Variants in POFUT2 observed in about 807,000 individuals in gnomAD.
POFUT2 encodes the protein protein O-fucosyltransferase 2, also known as GDP-fucose protein O-fucosyltransferase 2.
POFUT2 carries 30 observed loss-of-function variants against 55.0 expected under a neutral mutation model. That is an observed-to-expected ratio of 0.55 (90% CI 0.41 to 0.74). POFUT2 has a LOEUF of 0.74. Ranked by LOEUF, POFUT2 falls within the 30% of genes least tolerant of loss-of-function variation. The pLI is 0.00. For synonymous variants in POFUT2, 267 were observed against 231.1 expected (o/e 1.16, Z -1.41); for missense variants, 524 against 562.6 (o/e 0.93, Z 0.69).
At chr21:45,280,729 G>T (rs575437102) in intron 4 of POFUT2, among the ~76,000 whole-genome samples, 2 of 136,936 alleles carry the variant, frequency 1.5e-5, no homozygotes, top group Non-Finnish European at 3.2e-5. Context: ...TCTTGGACTC[G>T]CCTCACCCCA....
intron 4 of POFUT2, among the ~76,000 whole-genome samples, chr21:45,280,378 A>G (rs2030468100): frequency 6.6e-6 from 1 of 151,958 alleles, no homozygotes; most frequent in Non-Finnish European, 1.5e-5. Flanking sequence ...GATCTACCAC[A>G]CTCTATCCAG....
Position 45,281,354 on chromosome 21 carries a change from GACA to G in POFUT2, c.638+992_638+994del, listed in dbSNP as rs559530155. Among the ~76,000 whole-genome samples the G allele has an allele frequency of 2.5e-3, 388 of 152,276 alleles. 4 individuals are homozygous for G. The highest frequency in any genetic ancestry group is 8.5e-3 in the African/African-American group (353 of 41,564). On this transcript the variant is annotated intron_variant, in intron 4 of 8. Transcript: ENST00000349485. The surrounding 1 kb of genome is among the most constrained non-coding windows in gnomAD (Gnocchi z 5.0). ...TGTCATGAAATGAACCCAGTCCCAG[GACA>G]ACATTAAAGCTGCATCTCAACAACC...
At position 45,267,299 on chromosome 21, in the gene POFUT2, G is replaced by C; in HGVS notation, c.1136+291C>G. On this transcript the variant is annotated intron_variant, in intron 8 of 8. Coordinates refer to ENST00000349485, the MANE Select transcript of POFUT2 (RefSeq NM_133635.6). The surrounding 1 kb of genome is among the most constrained non-coding windows in gnomAD (Gnocchi z 4.4). ...GCAGACAGGGGCAGAAACCGGGAAT[G>C]ATGGGAAAATGCGACACAAGAAGAG... 1 of 1,460,826 alleles carries C rather than the reference G, an allele frequency of 6.8e-7. No homozygotes were observed. The highest frequency in any genetic ancestry group is 9.0e-7 in the Non-Finnish European group (1 of 1,112,970). The allele number at this position is 1,460,826 out of a possible 1,614,324, so 90.5% of individuals were successfully genotyped here.
chr21:45,277,248 A>G lies in POFUT2; in HGVS notation c.706-106T>C. On this transcript the variant is annotated intron_variant, in intron 5 of 8. Coordinates refer to ENST00000349485, the MANE Select transcript of POFUT2 (RefSeq NM_133635.6). This position sits in a 1 kb window ranked among gnomAD's most constrained non-coding sequence, Gnocchi z 6.9. Reference sequence around the variant, plus strand: ...CACCACCCACCCCCGCAGCTGGAACAAGCCCCTCAGACACGTCATCCACGG... The same window carrying G: ...CACCACCCACCCCCGCAGCTGGAACGAGCCCCTCAGACACGTCATCCACGG... The G allele has an allele frequency of 6.9e-7, 1 of 1,446,766 alleles. No individual in the cohort carries two copies. The highest frequency in any genetic ancestry group is 2.4e-5 in the East Asian group (1 of 42,184). The allele number at this position is 1,446,766 out of a possible 1,614,324, so 89.6% of individuals were successfully genotyped here.
At chr21:45,266,863 A>G in intron 8 of POFUT2, 1 of 1,004,396 alleles carries the variant, frequency 1.0e-6, no homozygotes, top group Non-Finnish European at 1.2e-6. Flanking sequence ...CTCTACTTTC[A>G]TTTTCCATTT....
intron 6 of POFUT2, 148 bp downstream of exon 6, chr21:45,276,869 A>T: frequency 2.4e-6 from 2 of 836,722 alleles, no homozygotes; most frequent in Non-Finnish European, 1.9e-6. Flanking sequence ...GCAGGTCATT[A>T]CTGTGACTCA....
At position 45,285,771 on chromosome 21, in the gene POFUT2, T is replaced by C. The variant is rs1391741444; in HGVS notation, c.289A>G (p.Ile97Val). Residue 97 changes from isoleucine (I) to valine (V), a missense_variant, in exon 2 of 9, where the codon ATC (isoleucine) becomes GTC (valine). Transcript: ENST00000349485. This position sits in a 1 kb window ranked among gnomAD's most constrained non-coding sequence, Gnocchi z 4.9. The part of the protein sequence containing the change: ...GRLYHWQSPD[I>V]HQVRIPWSEF... Reference sequence around the variant, plus strand: ...GACCAGGGAATCCGGACCTGGTGGATGTCAGGACTCTGCCAGTGATAGAGG... The same window carrying C: ...GACCAGGGAATCCGGACCTGGTGGACGTCAGGACTCTGCCAGTGATAGAGG... The C allele has an allele frequency of 1.2e-6, 2 of 1,613,550 alleles. No individual in the cohort carries two copies. The highest frequency in any genetic ancestry group is 2.2e-5 in the East Asian group (1 of 44,892).
intron 6 of POFUT2, among the ~76,000 whole-genome samples, chr21:45,273,268 G>A (rs564652507): frequency 6.8e-4 from 103 of 152,132 alleles, no homozygotes; most frequent in Non-Finnish European, 9.7e-4. Flanking sequence ...ACTTTTATGC[G>A]CACAAACTGG....
rs978917727 is a variant in POFUT2 at position 45,281,432 on chromosome 21, C to A, written c.638+917G>T. ...CACAACCTCTGAGTTCTGTCTGCAA[C>A]AGCCGGGCTGGCTGAGCAGCAGACA... On this transcript the variant is annotated intron_variant, in intron 4 of 8. Transcript: ENST00000349485. The surrounding 1 kb of genome is among the most constrained non-coding windows in gnomAD (Gnocchi z 5.0). 2.0e-5 allele frequency among the ~76,000 whole-genome samples: 3 copies of A among 152,214 alleles called. No individual in the cohort carries two copies. Among genetic ancestry groups the A allele is most frequent in the African/African-American group, 7.2e-5 (3 of 41,458 alleles).
Position 45,285,387 on chromosome 21 carries a change from G to A in POFUT2, c.382+291C>T, listed in dbSNP as rs190052706. 5 of 424,180 alleles carry A rather than the reference G, an allele frequency of 1.2e-5. No individual in the cohort carries two copies. The highest frequency in any genetic ancestry group is 6.8e-5 in the Admixed American group (2 of 29,414). 26.3% of individuals were successfully genotyped at this position (424,180 alleles called of 1,614,324 possible). A position where few individuals can be genotyped will look rare whatever the true frequency, so the allele number is the denominator to read the frequency against. ...GAGTCCTGTCACTATAACACCCAGGGGTGGCCGCTTTCTTAGGGTGTAAGG... is the reference window on the plus strand; with the variant it reads ...GAGTCCTGTCACTATAACACCCAGGAGTGGCCGCTTTCTTAGGGTGTAAGG... On this transcript the variant is annotated intron_variant, in intron 2 of 8. Coordinates refer to ENST00000349485, the MANE Select transcript of POFUT2 (RefSeq NM_133635.6). The surrounding 1 kb of genome is among the most constrained non-coding windows in gnomAD (Gnocchi z 4.9).
Position 45,265,520 on chromosome 21 carries a change from C to G in POFUT2, c.1252G>C (p.Ala418Pro). Residue 418 changes from alanine to proline, a missense_variant, in exon 9 of 9, where the codon GCG becomes CCG. Around this residue, in one of 2 missense-constraint regions of POFUT2, gnomAD observed 250 missense variants for 318.2 expected, o/e 0.79. Transcript: ENST00000349485. This position sits in a 1 kb window ranked among gnomAD's most constrained non-coding sequence, Gnocchi z 4.6. The part of the protein sequence containing the change: ...YNRFCGDQEK[A>P]CEQPTHWKIT... ...TTCCAGTGGGTGGGTTGCTCACACG[C>G]CTTCTCTTGGTCTCCGCAGAACCTG... is the stretch of plus-strand genomic sequence containing the variant. 1 of 1,614,022 alleles carries G rather than the reference C, an allele frequency of 6.2e-7. No homozygotes were observed. Among genetic ancestry groups the G allele is most frequent in the Non-Finnish European group, 8.5e-7 (1 of 1,179,940 alleles).
At chr21:45,287,692 C>G (rs575961694) in intron 1 of POFUT2, 49 bp downstream of exon 1, 2 of 1,379,520 alleles carry the variant, frequency 1.4e-6, no homozygotes, top group African/African-American at 3.1e-5. Context: ...ATCCTCTGAC[C>G]CTGCCCGGTC....
chr21:45,267,745 G>A lies in POFUT2; in HGVS notation c.1013-32C>T, dbSNP rs760672615. The A allele has an allele frequency of 1.6e-5, 26 of 1,596,838 alleles. No homozygotes were observed. Among genetic ancestry groups the A allele is most frequent in the Admixed American group, 6.7e-5 (4 of 59,664 alleles). ...AGTAGAAGGAGAGACCCTTTGAACC[G>A]GGATCCTCCAGTAAGGACAGATACG... On this transcript the variant is annotated intron_variant, in intron 7 of 8. Transcript: ENST00000349485. This position sits in a 1 kb window ranked among gnomAD's most constrained non-coding sequence, Gnocchi z 4.4.
chr21:45,266,150 A>G, intron 8 of POFUT2: 1 of 1,366,346 alleles, frequency 7.3e-7, no homozygotes, highest in Non-Finnish European at 9.8e-7. Flanking sequence ...GGGTTTCTCC[A>G]GACCTCAGGT....
intron 8 of POFUT2, chr21:45,266,253 ATG>A (rs1184417127): frequency 7.3e-7 from 1 of 1,367,410 alleles, no homozygotes; most frequent in Non-Finnish European, 9.8e-7. Flanking sequence ...AACCCCAGAG[ATG>A]TTTCCAGAGC....
At position 45,277,746 on chromosome 21, in the gene POFUT2, C is replaced by T. The variant is rs1487851256; in HGVS notation, c.705+357G>A. ...AATCAACGCCAACGGAAAAGACCCG[C>T]TGCAGAGAATAGTCCCACCTTTCAA... On this transcript the variant is annotated intron_variant, in intron 5 of 8. Transcript: ENST00000349485. The surrounding 1 kb of genome is among the most constrained non-coding windows in gnomAD (Gnocchi z 6.9). 1 of 288,508 alleles carries T rather than the reference C, an allele frequency of 3.5e-6. No homozygotes were observed. The highest frequency in any genetic ancestry group is 6.6e-6 in the Non-Finnish European group (1 of 152,342). 17.9% of individuals were successfully genotyped at this position (288,508 alleles called of 1,614,324 possible). A position where few individuals can be genotyped will look rare whatever the true frequency, so the allele number is the denominator to read the frequency against.
In POFUT2 at chr21:45,285,869, A is replaced by C. The variant is rs1329237611; in HGVS notation, c.191T>G (p.Ile64Ser). Residue 64 changes from isoleucine (I) to serine (S), a missense_variant, in exon 2 of 9, where the codon ATC (isoleucine) becomes AGC (serine). Ile to Ser is a moderately radical substitution (Grantham distance 142). Transcript: ENST00000349485. This position sits in a 1 kb window ranked among gnomAD's most constrained non-coding sequence, Gnocchi z 4.9. ...EGFNLRRDVY[I>S]RIASLLKTLL... Reference sequence around the variant, plus strand: ...AGTCTTCAGGAGAGAGGCGATTCGGATATAGACATCCCTGCGCAGGTTGAA... The same window carrying C: ...AGTCTTCAGGAGAGAGGCGATTCGGCTATAGACATCCCTGCGCAGGTTGAA... 6.2e-7 allele frequency: 1 copy of C among 1,613,058 alleles called. No individual in the cohort carries two copies.
At chr21:45,269,572 ACAGACGCTTGAAGG>A (rs2093198620) in intron 7 of POFUT2, among the ~76,000 whole-genome samples, 1 of 152,074 alleles carries the variant, frequency 6.6e-6, no homozygotes, top group Non-Finnish European at 1.5e-5. Context: ...GCTTTGTTAA[ACAGACGCTTGAAGG>A]CAGCATGCTC....
In POFUT2 at chr21:45,267,194, G is replaced by A. The variant is rs575014964; in HGVS notation, c.1136+396C>T. The A allele has an allele frequency of 9.5e-6, 13 of 1,364,770 alleles. No individual in the cohort carries two copies. The highest frequency in any genetic ancestry group is 8.8e-5 in the African/African-American group (6 of 68,098). The allele number at this position is 1,364,770 out of a possible 1,614,324, so 84.5% of individuals were successfully genotyped here. A position where few individuals can be genotyped will look rare whatever the true frequency, so the allele number is the denominator to read the frequency against. ...CACGAGGGCCCACGCTCCCGGCCTCGGGGACGCTCACGGATGCTCAACAAC... is the reference window on the plus strand; with the variant it reads ...CACGAGGGCCCACGCTCCCGGCCTCAGGGACGCTCACGGATGCTCAACAAC... On this transcript the variant is annotated intron_variant, in intron 8 of 8. Coordinates refer to ENST00000349485, the MANE Select transcript of POFUT2 (RefSeq NM_133635.6). This position sits in a 1 kb window ranked among gnomAD's most constrained non-coding sequence, Gnocchi z 4.4.
Sources: allele counts gnomAD v4.1 joint callset (sites outside exome capture counted in the v4.1 genomes callset), GRCh38; gene constraint gnomAD v4.1.1; regional missense constraint gnomAD v4.1.1; non-coding constraint Gnocchi (gnomAD v3.1); transcripts MANE v1.5; gene names NCBI Gene and HGNC (gene_info 2026-07-23, HGNC 2026-07-21).